The following COMMD5 variants were observed in gnomAD, a reference collection of about 807,000 sequenced individuals.
COMMD5 encodes COMM domain containing 5, also known as COMM domain-containing protein 5.
In COMMD5, 10 loss-of-function variants were observed where a neutral mutation model predicts 6.9. The observed-to-expected ratio is 1.44, with a 90% CI of 0.89 to 2.45. The LOEUF is 2.45. COMMD5 is among the 30% of genes most tolerant of loss of function. COMMD5 has a pLI of 0.00. For synonymous variants in COMMD5, 127 were observed against 125.3 expected (o/e 1.01, Z -0.09); for missense variants, 234 against 287.8 (o/e 0.81, Z 1.35).
intron 1 of COMMD5, chr8:144,843,103 G>C: frequency 6.2e-7 from 1 of 1,612,490 alleles, no homozygotes; most frequent in Admixed American, 1.7e-5. Context: ...TAAATGCAAT[G>C]ACTGTGGCAA....
At chr8:144,844,419 G>T (rs530556936) in intron 1 of COMMD5, among the ~76,000 whole-genome samples, 2 of 152,204 alleles carry the variant, frequency 1.3e-5, no homozygotes, top group Admixed American at 1.3e-4. Flanking sequence ...TGGAGAAAAA[G>T]ACGAAAATGG....
intron 1 of COMMD5, chr8:144,842,850 T>C (rs1830125723): frequency 3.2e-5 from 52 of 1,614,190 alleles, no homozygotes; most frequent in Non-Finnish European, 4.4e-5. Flanking sequence ...TGAAGCCCTA[T>C]GAGTGCAGTG....
chr8:144,843,749 A>C (rs1004090806), intron 1 of COMMD5: 7 of 152,276 alleles, frequency 4.6e-5, no homozygotes, highest in African/African-American at 1.7e-4. Flanking sequence ...AAGCAGCACA[A>C]GGAGGGCTCT....
chr8:144,838,443 CCT>C (rs1829347299), downstream of COMMD5: 2 of 385,504 alleles, frequency 5.2e-6, no homozygotes, highest in South Asian at 4.3e-5. Context: ...GCTCTGCTCC[CCT>C]GCTTAGCCGG....
chr8:144,851,965 C>T lies in COMMD5; in HGVS notation c.-57-570G>A, dbSNP rs747638393. ...CCAACCTGGGCATCATAGCAAGACC[C>T]CGTTTCTACAAAAAATTTAAAAAAC... On this transcript the variant is annotated intron_variant, in intron 1 of 1. Transcript: ENST00000305103. Among the ~76,000 whole-genome samples the T allele has an allele frequency of 1.2e-3, 177 of 151,984 alleles. 3 individuals carry two copies. The highest frequency in any genetic ancestry group is 7.9e-4 in the Admixed American group (12 of 15,248).
chr8:144,845,952 G>T (rs144145548), downstream of COMMD5: 1 of 1,534,912 alleles, frequency 6.5e-7, no homozygotes, highest in East Asian at 2.4e-5. Context: ...TAGCACAGGG[G>T]TTGCTGTTGC....
intron 1 of COMMD5, chr8:144,841,784 A>T: frequency 6.2e-7 from 1 of 1,614,220 alleles, no homozygotes; most frequent in Non-Finnish European, 8.5e-7. Context: ...AGCAGATGTC[A>T]AGAATGCCAA....
downstream of COMMD5, chr8:144,847,647 C>G (rs1735174): frequency 0.36 from 54,045 of 151,792 alleles, 9,685 homozygotes; most frequent in South Asian, 0.45. Flanking sequence ...TATAAATCCT[C>G]AAGTCCCCAG....
downstream of COMMD5, chr8:144,847,048 C>T (rs1830550378): frequency 6.6e-6 from 1 of 152,202 alleles, no homozygotes; most frequent in African/African-American, 2.4e-5. Flanking sequence ...ACATCATGTC[C>T]ATGGGGCAGC....
chr8:144,842,621 C>A, intron 1 of COMMD5: 1 of 1,614,186 alleles, frequency 6.2e-7, no homozygotes, highest in Non-Finnish European at 8.5e-7. Context: ...TGTGGAAAAG[C>A]CTTCAGTCAG....
exon 2 of COMMD5, chr8:144,841,588 A>G: frequency 6.2e-7 from 1 of 1,614,166 alleles, no homozygotes; most frequent in Non-Finnish European, 8.5e-7. Context: ...TGTGGTTCCC[A>G]AGACCTTCAC....
chr8:144,842,497 A>G (rs1290152548), intron 1 of COMMD5: 1 of 1,614,122 alleles, frequency 6.2e-7, no homozygotes, highest in Non-Finnish European at 8.5e-7. Flanking sequence ...GAGAACTCAC[A>G]CTGGAGAAAA....
At chr8:144,842,487 G>T in intron 1 of COMMD5, 1 of 1,614,168 alleles carries the variant, frequency 6.2e-7, no homozygotes, top group Non-Finnish European at 8.5e-7. Context: ...TTCGCCATCA[G>T]AGAACTCACA....
chr8:144,840,133 C>T (rs1281688106), downstream of COMMD5, among the ~76,000 whole-genome samples: 1 of 152,144 alleles, frequency 6.6e-6, no homozygotes, highest in Non-Finnish European at 1.5e-5. Context: ...CAGGGGAAGG[C>T]TTGGGAGGAG....
intron 1 of COMMD5, chr8:144,843,216 A>AACTT (rs763144658): frequency 2.7e-6 from 4 of 1,501,492 alleles, no homozygotes; most frequent in African/African-American, 1.4e-5. Flanking sequence ...CTATAGCCTT[A>AACTT]ACTTACTTAT....
intron 1 of COMMD5, chr8:144,843,390 C>T (rs1461699089): frequency 2.1e-5 from 10 of 476,488 alleles, no homozygotes; most frequent in Middle Eastern, 5.5e-4. Context: ...GAGGTTGAGA[C>T]CATCCTGGGT....
intron 1 of COMMD5, chr8:144,842,712 T>C (rs1220009822): frequency 1.4e-5 from 22 of 1,613,910 alleles, no homozygotes; most frequent in Non-Finnish European, 1.8e-5. Flanking sequence ...AAGCCTTCAG[T>C]ATGAGCACAC....
chr8:144,842,160 A>G (rs1378908120), intron 1 of COMMD5: 5 of 1,613,544 alleles, frequency 3.1e-6, no homozygotes, highest in Non-Finnish European at 4.2e-6. Context: ...AGCTGGTTAG[A>G]CACCAGAGAA....
In COMMD5 at chr8:144,841,619, G is replaced by A. The variant is rs748376984; in HGVS notation, c.*241C>T. The A allele has an allele frequency of 3.1e-6, 5 of 1,614,134 alleles. No individual in the cohort carries two copies. In the South Asian group the frequency reaches 3.3e-5, roughly 11 times the overall value. ...TTCACCAAGGACGCACCCCAGGGAT[G>A]TAAGGAGCTGGGAAGCAGCGGCCTG... is the stretch of plus-strand genomic sequence containing the variant. On this transcript the variant is annotated 3_prime_UTR_variant and NMD_transcript_variant, in exon 2 of 2. Transcript: ENST00000530332.
Sources: allele counts gnomAD v4.1 joint callset (sites outside exome capture counted in the v4.1 genomes callset), GRCh38; gene constraint gnomAD v4.1.1; transcripts MANE v1.5; gene names NCBI Gene and HGNC (gene_info 2026-07-23, HGNC 2026-07-21).